MGAT4D: variants seen among roughly 807,000 people sequenced by gnomAD.
MGAT4D encodes MGAT4 family member D, also known as alpha-1,3-mannosyl-glycoprotein 4-beta-N-acetylglucosaminyltransferase-like protein MGAT4D.
A neutral mutation model predicts 15.9 loss-of-function variants in MGAT4D; 34 were observed. The ratio of observed to expected loss-of-function variants is 2.14; its 90% CI spans 1.62 to 2.84. MGAT4D has a LOEUF of 2.84. Ranked by LOEUF, MGAT4D falls within the 30% of genes most tolerant of loss-of-function variation. MGAT4D has a pLI of 0.00. For synonymous variants in MGAT4D, 112 were observed against 48.2 expected (o/e 2.33, Z -5.49); for missense variants, 327 against 140.2 (o/e 2.33, Z -6.73).
intron 1 of MGAT4D, among the ~76,000 whole-genome samples, chr4:140,488,579 A>G (rs1363144077): frequency 6.6e-6 from 1 of 152,218 alleles, no homozygotes; most frequent in Admixed American, 6.5e-5. Flanking sequence ...GAGAAGAAGG[A>G]AGACTTGTGA....
intron 9 of MGAT4D, among the ~76,000 whole-genome samples, chr4:140,452,539 A>C (rs1011929884): frequency 5.9e-5 from 9 of 152,166 alleles, no homozygotes; most frequent in Middle Eastern, 3.2e-3. Flanking sequence ...AGCTTATTTC[A>C]TATTGCTGTA....
intron 9 of MGAT4D, among the ~76,000 whole-genome samples, chr4:140,454,012 A>G (rs370929102): frequency 7.4e-5 from 11 of 148,102 alleles, no homozygotes; most frequent in African/African-American, 2.5e-4. Context: ...TCTAGGATGT[A>G]TGTGTGTGTG....
At chr4:140,455,754 T>G (rs1730754544) in intron 9 of MGAT4D, among the ~76,000 whole-genome samples, 1 of 152,238 alleles carries the variant, frequency 6.6e-6, no homozygotes. Flanking sequence ...GTTGTCTTCT[T>G]GGTAAATTAA....
chr4:140,466,817 A>G (rs1731564737), intron 5 of MGAT4D, among the ~76,000 whole-genome samples: 1 of 152,122 alleles, frequency 6.6e-6, no homozygotes, highest in African/African-American at 2.4e-5. Flanking sequence ...ACACACAAAC[A>G]CACATGGAAG....
chr4:140,442,264 C>T lies in MGAT4D; in HGVS notation c.*1172G>A, dbSNP rs1013634533. The T allele has an allele frequency of 1.4e-4, 21 of 152,006 alleles. No homozygotes were observed. The highest frequency in any genetic ancestry group is 1.0e-4 in the Non-Finnish European group (7 of 67,992). The allele number at this position is 152,006 out of a possible 1,614,324, so 9.4% of individuals were successfully genotyped here. A position where few individuals can be genotyped will look rare whatever the true frequency, so the allele number is the denominator to read the frequency against. ...ATGAAATGGACACACAGAAATAGTTCGTCTTTCATATTATCTTTATAAATT... is the reference window on the plus strand; with the variant it reads ...ATGAAATGGACACACAGAAATAGTTTGTCTTTCATATTATCTTTATAAATT... On this transcript the variant is annotated 3_prime_UTR_variant, in exon 11 of 11. Transcript: ENST00000511113.
At chr4:140,477,149 T>A (rs1219700245) in intron 3 of MGAT4D, among the ~76,000 whole-genome samples, 1 of 152,170 alleles carries the variant, frequency 6.6e-6, no homozygotes, top group Non-Finnish European at 1.5e-5. Flanking sequence ...TTTTCCTCTA[T>A]CTGGATGACC....
Position 140,465,171 on chromosome 4 carries a change from T to C in MGAT4D, c.573-162A>G, listed in dbSNP as rs559923869. Among the ~76,000 whole-genome samples, 7 of 152,042 alleles carry C rather than the reference T, an allele frequency of 4.6e-5. No homozygotes were observed. In the South Asian group the frequency reaches 8.3e-4, roughly 18 times the overall value. ...CAGCATCATAAAACTAGCCAAAGCA[T>C]TTTTTTATAAATTAATAACAGACAT... On this transcript the variant is annotated intron_variant, in intron 5 of 10. Coordinates refer to ENST00000511113, the MANE Select transcript of MGAT4D (RefSeq NM_001277353.2).
chr4:140,458,374 T>C (rs1730946207), intron 8 of MGAT4D: 1 of 152,210 alleles, frequency 6.6e-6, no homozygotes, highest in Non-Finnish European at 1.5e-5. Context: ...CTTCTGATGA[T>C]AAATCCACAT....
At chr4:140,478,957 G>A (rs1197287858) in intron 3 of MGAT4D, among the ~76,000 whole-genome samples, 1 of 152,128 alleles carries the variant, frequency 6.6e-6, no homozygotes. Flanking sequence ...CTGGCCTAGA[G>A]TGACTCACTC....
At chr4:140,479,016 C>T (rs931528109) in intron 3 of MGAT4D, among the ~76,000 whole-genome samples, 10 of 152,166 alleles carry the variant, frequency 6.6e-5, no homozygotes, top group African/African-American at 2.4e-4. Flanking sequence ...TGAGACTTAG[C>T]TTAATATTCC....
intron 5 of MGAT4D, among the ~76,000 whole-genome samples, chr4:140,468,070 T>A (rs1298377271): frequency 6.6e-6 from 1 of 151,850 alleles, no homozygotes; most frequent in Non-Finnish European, 1.5e-5. Context: ...ATTATTCTAT[T>A]ATAATTTAAT....
chr4:140,482,310 A>G lies in MGAT4D; in HGVS notation c.253+17T>C, dbSNP rs1732787707. On this transcript the variant is annotated intron_variant, in intron 2 of 10. Transcript: ENST00000511113. ...CATTTCCAAAAACAAAACAAAACAA[A>G]CAAAATCAACACAAACCTAAGTTTC... 3.3e-6 allele frequency: 2 copies of G among 605,534 alleles called. No individual in the cohort carries two copies. The highest frequency in any genetic ancestry group is 5.8e-6 in the Non-Finnish European group (2 of 346,274). 37.5% of individuals were successfully genotyped at this position (605,534 alleles called of 1,614,324 possible).
At chr4:140,490,299 G>A (rs556633394) in intron 1 of MGAT4D, among the ~76,000 whole-genome samples, 1 of 152,258 alleles carries the variant, frequency 6.6e-6, no homozygotes, top group East Asian at 1.9e-4. Context: ...GTGTAGCAGA[G>A]CCCAAAATTG....
At chr4:140,487,185 G>A (rs961839858) in intron 1 of MGAT4D, among the ~76,000 whole-genome samples, 2 of 152,100 alleles carry the variant, frequency 1.3e-5, no homozygotes, top group African/African-American at 4.8e-5. Flanking sequence ...GAAATTACTT[G>A]CATATTTACC....
chr4:140,496,714 A>G (rs1452652972), intron 1 of MGAT4D, among the ~76,000 whole-genome samples: 1 of 152,094 alleles, frequency 6.6e-6, no homozygotes, highest in African/African-American at 2.4e-5. Context: ...ATGGTGGCAC[A>G]TGCCTGTAAT....
intron 10 of MGAT4D, chr4:140,450,089 G>A: frequency 2.8e-6 from 1 of 354,860 alleles, no homozygotes; most frequent in Non-Finnish European, 5.1e-6. Flanking sequence ...ACTTTTTAAA[G>A]CTTTAGAAAC....
At chr4:140,483,038 G>A (rs1234381009) in intron 1 of MGAT4D, among the ~76,000 whole-genome samples, 1 of 152,138 alleles carries the variant, frequency 6.6e-6, no homozygotes, top group Admixed American at 6.6e-5. Flanking sequence ...TGGCTCTGAT[G>A]TCAAATCATG....
At chr4:140,473,398 C>T (rs751154593) in intron 4 of MGAT4D, among the ~76,000 whole-genome samples, 1 of 152,112 alleles carries the variant, frequency 6.6e-6, no homozygotes, top group South Asian at 2.1e-4. Context: ...CATAACCCAA[C>T]AATGCACTGA....
chr4:140,464,528 T>C (rs1321178044), intron 6 of MGAT4D, among the ~76,000 whole-genome samples: 1 of 152,186 alleles, frequency 6.6e-6, no homozygotes, highest in Non-Finnish European at 1.5e-5. Flanking sequence ...TAATGATTTA[T>C]AATCCCAGGC....
Sources: allele counts gnomAD v4.1 joint callset (sites outside exome capture counted in the v4.1 genomes callset), GRCh38; gene constraint gnomAD v4.1.1; transcripts MANE v1.5; gene names NCBI Gene and HGNC (gene_info 2026-07-23, HGNC 2026-07-21).